The following DCDC2 variants were observed in gnomAD, a reference collection of about 807,000 sequenced individuals.
DCDC2 encodes the protein doublecortin domain containing 2.
A neutral mutation model predicts 50.2 loss-of-function variants in DCDC2; 40 were observed. The observed-to-expected ratio is 0.80, with a 90% CI of 0.62 to 1.04. The LOEUF is 1.04. DCDC2 is among the 50% of genes least tolerant of loss of function. DCDC2 has a pLI of 0.00. For missense variants in DCDC2, 570 were observed against 581.9 expected (o/e 0.98, Z 0.21); for synonymous variants, 234 against 210.6 (o/e 1.11, Z -0.96).
At chr6:24,254,079 CACAA>C (rs960745329) in intron 7 of DCDC2, among the ~76,000 whole-genome samples, 14 of 150,078 alleles carry the variant, frequency 9.3e-5, no homozygotes, top group Non-Finnish European at 1.9e-4. Context: ...AAAACTAAGA[CACAA>C]ACACACACAT....
intron 6 of DCDC2, among the ~76,000 whole-genome samples, chr6:24,281,763 G>C (rs1343782184): frequency 6.6e-6 from 1 of 152,146 alleles, no homozygotes; most frequent in African/African-American, 2.4e-5. Context: ...GAGCATAAGA[G>C]ATAGGGGAGT....
At chr6:24,259,163 A>T (rs1762957660) in intron 7 of DCDC2, among the ~76,000 whole-genome samples, 1 of 152,156 alleles carries the variant, frequency 6.6e-6, no homozygotes, top group Non-Finnish European at 1.5e-5. Flanking sequence ...GGGGAATCCA[A>T]AGCTCGGAGA....
chr6:24,275,888 T>TTTTTA (rs1554115434), intron 7 of DCDC2, among the ~76,000 whole-genome samples: 26 of 147,348 alleles, frequency 1.8e-4, no homozygotes, highest in South Asian at 1.3e-3. Flanking sequence ...TTTTTTTTTT[T>TTTTTA]AGGCAGGGTC....
At chr6:24,361,786 C>T (rs993663903), upstream of DCDC2, among the ~76,000 whole-genome samples, 3 of 152,140 alleles carry the variant, frequency 2.0e-5, no homozygotes, top group African/African-American at 7.2e-5. Context: ...GATGTGGGGA[C>T]CCTGACGCCA....
At chr6:24,195,619 T>C (rs925115289) in intron 8 of DCDC2, among the ~76,000 whole-genome samples, 11 of 152,170 alleles carry the variant, frequency 7.2e-5, no homozygotes, top group African/African-American at 2.7e-4. Flanking sequence ...AAGACTGTCA[T>C]GTGCATTACA....
intron 7 of DCDC2, among the ~76,000 whole-genome samples, chr6:24,249,498 T>G (rs1762754369): frequency 1.3e-5 from 2 of 152,226 alleles, no homozygotes; most frequent in African/African-American, 2.4e-5. Context: ...TAATGTAGCT[T>G]TTGATAATTT....
intron 8 of DCDC2, among the ~76,000 whole-genome samples, chr6:24,179,249 A>G (rs1760995645): frequency 6.6e-6 from 1 of 152,104 alleles, no homozygotes; most frequent in African/African-American, 2.4e-5. Context: ...CCTCTCTGTA[A>G]GAATAATAAA....
intron 7 of DCDC2, among the ~76,000 whole-genome samples, chr6:24,265,127 C>T (rs1461813164): frequency 6.6e-6 from 1 of 151,882 alleles, no homozygotes; most frequent in African/African-American, 2.4e-5. Flanking sequence ...ATAGTGAAAC[C>T]TCATCTCTAC....
At chr6:24,181,744 G>T (rs1465340067) in intron 8 of DCDC2, among the ~76,000 whole-genome samples, 1 of 152,146 alleles carries the variant, frequency 6.6e-6, no homozygotes, top group Non-Finnish European at 1.5e-5. Context: ...TCATTAAGAG[G>T]TCAATATTAT....
At chr6:24,259,038 T>C (rs1762954309) in intron 7 of DCDC2, among the ~76,000 whole-genome samples, 1 of 152,190 alleles carries the variant, frequency 6.6e-6, no homozygotes, top group Non-Finnish European at 1.5e-5. Flanking sequence ...AGAACTTTTG[T>C]TCATATTATG....
intron 7 of DCDC2, among the ~76,000 whole-genome samples, chr6:24,225,887 C>T (rs1040405830): frequency 1.3e-5 from 2 of 152,110 alleles, no homozygotes; most frequent in Non-Finnish European, 1.5e-5. Flanking sequence ...ACAGTAAAAA[C>T]AGTCAGCATA....
the DCDC2 span, among the ~76,000 whole-genome samples, chr6:24,377,522 C>A: frequency 2.0e-5 from 3 of 152,146 alleles, no homozygotes; most frequent in African/African-American, 7.2e-5. Context: ...CCGAAAATGT[C>A]ATTATACTTC....
At chr6:24,241,693 AGTAATC>A (rs1268565300) in intron 7 of DCDC2, among the ~76,000 whole-genome samples, 1 of 152,230 alleles carries the variant, frequency 6.6e-6, no homozygotes, top group African/African-American at 2.4e-5. Flanking sequence ...GCATTTAGAG[AGTAATC>A]TCAAAAGATC....
chr6:24,248,871 A>G (rs1457669371), intron 7 of DCDC2, among the ~76,000 whole-genome samples: 1 of 152,222 alleles, frequency 6.6e-6, no homozygotes, highest in Non-Finnish European at 1.5e-5. Flanking sequence ...AATATAAAGC[A>G]TCTGTTTTCA....
chr6:24,340,485 C>T (rs1233828478), intron 2 of DCDC2, among the ~76,000 whole-genome samples: 2 of 152,062 alleles, frequency 1.3e-5, no homozygotes, highest in African/African-American at 2.4e-5. Context: ...TTTGCAAAAG[C>T]CATACTAACA....
At chr6:24,362,869 T>C (rs895666861), upstream of DCDC2, among the ~76,000 whole-genome samples, 21 of 152,332 alleles carry the variant, frequency 1.4e-4, no homozygotes, top group Admixed American at 5.9e-4. Flanking sequence ...CAGTCAGATA[T>C]TTGCAATCTC....
intron 7 of DCDC2, among the ~76,000 whole-genome samples, chr6:24,239,582 T>C (rs1489600540): frequency 1.3e-5 from 2 of 152,156 alleles, no homozygotes; most frequent in Non-Finnish European, 2.9e-5. Flanking sequence ...AGTGGGCACA[T>C]GATATTAAGC....
At chr6:24,365,439 C>T in the DCDC2 span, among the ~76,000 whole-genome samples, 3,133 of 152,134 alleles carry the variant, frequency 0.021, 57 homozygotes, top group Non-Finnish European at 0.034. Flanking sequence ...TTACAGGTGC[C>T]TGGCACCATG....
At chr6:24,248,951 A>G (rs1762742532) in intron 7 of DCDC2, among the ~76,000 whole-genome samples, 1 of 152,182 alleles carries the variant, frequency 6.6e-6, no homozygotes, top group Non-Finnish European at 1.5e-5. Context: ...TGCCCCATCC[A>G]TCCATCCAGT....
Sources: allele counts gnomAD v4.1 joint callset (sites outside exome capture counted in the v4.1 genomes callset), GRCh38; gene constraint gnomAD v4.1.1; transcripts MANE v1.5; gene names NCBI Gene and HGNC (gene_info 2026-07-23, HGNC 2026-07-21).